The following DOCK2 variants were observed in gnomAD, a reference collection of about 807,000 sequenced individuals.
DOCK2 encodes the protein dedicator of cytokinesis 2.
A neutral mutation model predicts 248.9 loss-of-function variants in DOCK2; 87 were observed. The observed-to-expected ratio is 0.35, with a 90% confidence interval of 0.29 to 0.42. DOCK2 has a LOEUF of 0.42. Among genes scored for constraint, DOCK2 ranks in the 10% least tolerant of loss-of-function variants. The pLI is 1.00. For synonymous variants in DOCK2, 805 were observed against 821.6 expected (o/e 0.98, Z 0.35); for missense variants, 1,747 against 2,300.2 (o/e 0.76, Z 4.92).
chr5:170,036,446 C>A, intron 35 of DOCK2, 69 bp from the exon 36 acceptor site: 1 of 1,499,708 alleles, frequency 6.7e-7, no homozygotes, highest in South Asian at 1.2e-5. Flanking sequence ...TCATCTTCAT[C>A]ACCACACCCT....
intron 22 of DOCK2, among the ~76,000 whole-genome samples, chr5:169,739,515 A>T (rs1763202520): frequency 6.6e-6 from 1 of 152,228 alleles, no homozygotes; most frequent in Admixed American, 6.5e-5. Context: ...GTGTTTAAAA[A>T]TCAGAATATA....
chr5:169,962,143 T>A (rs1047371791), intron 27 of DOCK2, among the ~76,000 whole-genome samples: 1 of 151,818 alleles, frequency 6.6e-6, no homozygotes, highest in African/African-American at 2.4e-5. Context: ...ATGTGAGTAA[T>A]AGGACTGGGT....
chr5:170,078,252 A>G (rs6868470), intron 48 of DOCK2, among the ~76,000 whole-genome samples: 55,905 of 151,808 alleles, frequency 0.37, 10,864 homozygotes, highest in African/African-American at 0.48. Flanking sequence ...CTCCTGCACC[A>G]CCTACCCACC....
intron 26 of DOCK2, among the ~76,000 whole-genome samples, chr5:169,807,527 G>A (rs1353027071): frequency 6.6e-6 from 1 of 152,008 alleles, no homozygotes; most frequent in African/African-American, 2.4e-5. Flanking sequence ...ACCCTGTCCA[G>A]TCTATAAAAT....
At chr5:169,916,663 T>C (rs1242531538) in intron 27 of DOCK2, among the ~76,000 whole-genome samples, 2 of 125,040 alleles carry the variant, frequency 1.6e-5, no homozygotes, top group African/African-American at 3.2e-5. Context: ...AGGTTAGGGA[T>C]TGGTAACTTT....
intron 25 of DOCK2, among the ~76,000 whole-genome samples, chr5:169,779,126 T>TA (rs1765549587): frequency 6.6e-6 from 1 of 151,760 alleles, no homozygotes; most frequent in Admixed American, 6.6e-5. Context: ...ACTCCAAAAA[T>TA]AAAAAACAAA....
chr5:169,908,713 C>CTTT (rs34261104), intron 27 of DOCK2, among the ~76,000 whole-genome samples: 4 of 105,072 alleles, frequency 3.8e-5, no homozygotes, highest in Non-Finnish European at 5.6e-5. Flanking sequence ...TTTCTTTTTT[C>CTTT]TTTTTTTTTT....
chr5:169,828,412 G>C (rs1010506415), intron 26 of DOCK2, among the ~76,000 whole-genome samples: 1 of 152,142 alleles, frequency 6.6e-6, no homozygotes, highest in African/African-American at 2.4e-5. Flanking sequence ...CGGCCTCCCA[G>C]CTTGGTTTTG....
chr5:169,800,944 CTT>C lies in DOCK2; in HGVS notation c.2555-2086_2555-2085del, dbSNP rs60140740. 2.3e-3 allele frequency among the ~76,000 whole-genome samples: 121 copies of C among 53,158 alleles called. No individual in the cohort carries two copies. The East Asian group carries it at 0.047, about 21-fold the overall frequency. 34.9% of individuals were successfully genotyped at this position (53,158 alleles called of 152,430 possible). ...TTTTTCTTTTTTCTTTTCTTTCTTT[CTT>C]TTTTTTTTTTTTTTTTTTTTTTTTT... On this transcript the variant is annotated intron_variant, in intron 25 of 51. Transcript: ENST00000520908.
intron 27 of DOCK2, among the ~76,000 whole-genome samples, chr5:169,896,760 T>C (rs185121972): frequency 6.6e-6 from 1 of 152,354 alleles, no homozygotes; most frequent in Admixed American, 6.5e-5. Flanking sequence ...ATTTATGATA[T>C]AGTCCCTACC....
At chr5:169,987,051 A>G (rs1707254382) in intron 29 of DOCK2, among the ~76,000 whole-genome samples, 1 of 152,232 alleles carries the variant, frequency 6.6e-6, no homozygotes, top group Non-Finnish European at 1.5e-5. Context: ...GTGTGGCTTC[A>G]GGCATGGATG....
At position 169,894,431 on chromosome 5, in the gene DOCK2, A is replaced by G. The variant is rs143484647; in HGVS notation, c.2799+53579A>G. 9.4e-3 allele frequency among the ~76,000 whole-genome samples: 1,437 copies of G among 152,290 alleles called. 21 individuals are homozygous for G. Among genetic ancestry groups the G allele is most frequent in the African/African-American group, 0.033 (1,363 of 41,564 alleles). The stretch of plus-strand genomic sequence containing the variant: ...TACACATTGCACACCCACCAAGGAC[A>G]ACTGTTGGGCCCTGGACTCTGCAGT... On this transcript the variant is annotated intron_variant, in intron 27 of 51. Coordinates refer to ENST00000520908, the MANE Select transcript of DOCK2 (RefSeq NM_004946.3).
intron 10 of DOCK2, among the ~76,000 whole-genome samples, chr5:169,697,660 C>A (rs951595480): frequency 6.6e-6 from 1 of 152,138 alleles, no homozygotes; most frequent in Admixed American, 6.5e-5. Flanking sequence ...TATCTAGATG[C>A]AGTCAGTGGT....
chr5:169,767,177 G>T (rs763790459), intron 25 of DOCK2, among the ~76,000 whole-genome samples: 3 of 152,200 alleles, frequency 2.0e-5, no homozygotes, highest in Non-Finnish European at 4.4e-5. Context: ...CTTGTTGGCT[G>T]CATGTATGTC....
intron 27 of DOCK2, among the ~76,000 whole-genome samples, chr5:169,967,752 G>C (rs1777355535): frequency 6.6e-6 from 1 of 152,196 alleles, no homozygotes; most frequent in South Asian, 2.1e-4. Flanking sequence ...TCCAGGTACT[G>C]ATGATGGTAG....
At chr5:169,784,167 T>A (rs1765866547) in intron 25 of DOCK2, among the ~76,000 whole-genome samples, 1 of 152,216 alleles carries the variant, frequency 6.6e-6, no homozygotes, top group Non-Finnish European at 1.5e-5. Context: ...AAATGCTCTT[T>A]TGCTCCCCAA....
intron 27 of DOCK2, among the ~76,000 whole-genome samples, chr5:169,876,445 G>T (rs750999841): frequency 2.9e-4 from 44 of 152,332 alleles, no homozygotes; most frequent in Non-Finnish European, 5.1e-4. Flanking sequence ...CCAGAGAAGG[G>T]AGATATTTTC....
intron 34 of DOCK2, among the ~76,000 whole-genome samples, chr5:170,030,015 G>A (rs916328736): frequency 1.3e-5 from 2 of 152,220 alleles, no homozygotes; most frequent in African/African-American, 4.8e-5. Flanking sequence ...CCCTCAGGTG[G>A]ATATGGAGAC....
At chr5:170,003,707 G>C (rs1754920081) in intron 30 of DOCK2, among the ~76,000 whole-genome samples, 1 of 152,234 alleles carries the variant, frequency 6.6e-6, no homozygotes. Flanking sequence ...CAGCACTGGG[G>C]ACCATGGAAA....
Sources: gnomAD v4.1 joint callset for allele counts (sites outside exome capture counted in the v4.1 genomes callset) on GRCh38, gnomAD v4.1.1 for gene constraint, MANE v1.5 for transcripts, NCBI Gene and HGNC (gene_info 2026-07-23, HGNC 2026-07-21) for gene names.